Variants in COL5A2 observed in about 807,000 individuals in gnomAD.
COL5A2 encodes the protein collagen type V alpha 2 chain, also known as collagen alpha-2(V) chain.
In COL5A2, 23 loss-of-function variants were observed where a neutral mutation model predicts 208.2. The ratio of observed to expected loss-of-function variants is 0.11; its 90% CI spans 0.08 to 0.16. COL5A2 has a LOEUF of 0.16. Among genes scored for constraint, COL5A2 ranks in the 10% least tolerant of loss-of-function variants. The pLI, the probability that COL5A2 is intolerant of heterozygous loss-of-function variation, is 1.00. For missense variants in COL5A2, 1,590 were observed against 1,956.4 expected, an observed-to-expected ratio of 0.81 and a Z score of 3.53; for synonymous variants, 625 against 628.5, an observed-to-expected ratio of 0.99 and a Z score of 0.08.
At chr2:189,347,592 T>C in the COL5A2 span, among the ~76,000 whole-genome samples, 1 of 152,160 alleles carries the variant, frequency 6.6e-6, no homozygotes, top group African/African-American at 2.4e-5. Flanking sequence ...GCATTTGCTT[T>C]GTCAACAAGT....
chr2:189,182,786 G>A (rs12693529), upstream of COL5A2, among the ~76,000 whole-genome samples: 150,878 of 152,268 alleles, frequency 0.99, 74,766 homozygotes, highest in Middle Eastern at 1. Context: ...TGCTGAGCTT[G>A]ATGCATGACA....
chr2:189,433,699 C>T, the COL5A2 span, among the ~76,000 whole-genome samples: 1 of 152,158 alleles, frequency 6.6e-6, no homozygotes, highest in South Asian at 2.1e-4. Context: ...AATAGCTTAC[C>T]AATCAAAAAA....
intron 1 of COL5A2, among the ~76,000 whole-genome samples, chr2:189,207,000 A>C (rs1689151178): frequency 6.6e-6 from 1 of 152,242 alleles, no homozygotes; most frequent in Admixed American, 6.5e-5. Flanking sequence ...TACACTTTTA[A>C]GAATAACAAA....
the COL5A2 span, among the ~76,000 whole-genome samples, chr2:189,265,007 G>A: frequency 6.6e-6 from 1 of 152,114 alleles, no homozygotes; most frequent in Non-Finnish European, 1.5e-5. Context: ...GCATGGTGAG[G>A]GAGCAGGCAG....
Position 189,037,019 on chromosome 2 carries a change from A to C in COL5A2, c.3926-216T>G, listed in dbSNP as rs13421883. ...AGGCACTTTGCCAAACCATGTACTT[A>C]AGGCTCAAAACATCCATATGAAGGA... On this transcript the variant is annotated intron_variant, in intron 51 of 53. Coordinates refer to ENST00000374866, the MANE Select transcript of COL5A2 (RefSeq NM_000393.5). 0.095 allele frequency among the ~76,000 whole-genome samples: 14,532 copies of C among 152,206 alleles called. 722 individuals are homozygous for C. Among genetic ancestry groups the C allele is most frequent in the South Asian group, 0.15 (728 of 4,828 alleles).
chr2:189,034,494 T>C (rs760795347), intron 53 of COL5A2, among the ~76,000 whole-genome samples: 4 of 152,228 alleles, frequency 2.6e-5, no homozygotes, highest in Admixed American at 1.3e-4. Context: ...AATGAAACTA[T>C]AATTCACCAT....
chr2:189,229,734 A>G (rs1689458322), upstream of COL5A2, among the ~76,000 whole-genome samples: 1 of 151,856 alleles, frequency 6.6e-6, no homozygotes, highest in Admixed American at 6.6e-5. Context: ...AAGAGTTAAG[A>G]TTATTAAAAT....
chr2:189,328,830 C>T, the COL5A2 span, among the ~76,000 whole-genome samples: 1 of 152,166 alleles, frequency 6.6e-6, no homozygotes, highest in Admixed American at 6.5e-5. Context: ...GTGACTGTCA[C>T]ATAGTATGTG....
chr2:189,337,227 G>A, the COL5A2 span, among the ~76,000 whole-genome samples: 1 of 146,888 alleles, frequency 6.8e-6, no homozygotes, highest in South Asian at 2.2e-4. Flanking sequence ...CTGTCGCCCA[G>A]GCTGGAGTGC....
chr2:189,048,339 C>T (rs1000742249), intron 44 of COL5A2, 77 bp from the exon 45 acceptor site: 8 of 1,361,842 alleles, frequency 5.9e-6, no homozygotes, highest in East Asian at 2.3e-5. Context: ...CAAAAAATGA[C>T]AGCATGTTTT....
the COL5A2 span, among the ~76,000 whole-genome samples, chr2:189,379,124 C>T: frequency 6.6e-6 from 1 of 151,928 alleles, no homozygotes; most frequent in Non-Finnish European, 1.5e-5. Context: ...AAAAATGCAC[C>T]GGCATACTAG....
chr2:189,053,456 G>A lies in COL5A2; in HGVS notation c.2521C>T (p.Pro841Ser), dbSNP rs1251112610. The change falls in exon 38 of 54, where the codon CCA (proline) becomes TCA (serine). Residue 841 changes from proline (P) to serine (S), a missense_variant. Pro to Ser is a moderately conservative substitution (Grantham distance 74). Transcript: ENST00000374866. ...GNPGSRGENG[P>S]TGAVGFAGPQ... ...CCGGCAAAACCAACAGCTCCAGTTG[G>A]CCCATTTTCACCTCGAGAACCCTAG... 4 of 1,613,596 alleles carry A rather than the reference G, an allele frequency of 2.5e-6. No individual in the cohort carries two copies. Among genetic ancestry groups the A allele is most frequent in the South Asian group, 1.1e-5 (1 of 91,066 alleles).
chr2:189,300,265 A>G, the COL5A2 span, among the ~76,000 whole-genome samples: 1 of 152,116 alleles, frequency 6.6e-6, no homozygotes, highest in Non-Finnish European at 1.5e-5. Flanking sequence ...GGATGTTTCT[A>G]TCTTTCTCTC....
At chr2:189,189,637 A>G (rs1688898917) in intron 1 of COL5A2, among the ~76,000 whole-genome samples, 1 of 152,088 alleles carries the variant, frequency 6.6e-6, no homozygotes, top group South Asian at 2.1e-4. Flanking sequence ...GGGTAACAGT[A>G]CAAGACTCTG....
At chr2:189,354,358 C>T in the COL5A2 span, among the ~76,000 whole-genome samples, 1 of 152,152 alleles carries the variant, frequency 6.6e-6, no homozygotes, top group East Asian at 1.9e-4. Flanking sequence ...ATGAGTGGTA[C>T]CAGCTCCTCT....
chr2:189,137,447 G>C (rs1276826199), intron 1 of COL5A2, among the ~76,000 whole-genome samples: 1 of 152,222 alleles, frequency 6.6e-6, no homozygotes, highest in East Asian at 1.9e-4. Context: ...CAGGATTAGA[G>C]AAATCCAAAT....
At chr2:189,094,533 G>C (rs745776107) in intron 6 of COL5A2, among the ~76,000 whole-genome samples, 27 of 133,102 alleles carry the variant, frequency 2.0e-4, no homozygotes, top group Non-Finnish European at 3.6e-4. Context: ...ACGAATGACC[G>C]GGAACTGTTA....
intron 2 of COL5A2, among the ~76,000 whole-genome samples, chr2:189,109,750 C>T (rs546556858): frequency 2.1e-4 from 32 of 152,228 alleles, no homozygotes; most frequent in African/African-American, 7.5e-4. Context: ...ACATGAAAAG[C>T]ATTCTGCATT....
intron 1 of COL5A2, among the ~76,000 whole-genome samples, chr2:189,129,397 G>C (rs1315307204): frequency 1.3e-5 from 2 of 151,980 alleles, no homozygotes; most frequent in Admixed American, 6.6e-5. Flanking sequence ...TAAAATGTTT[G>C]AAAACTGATT....
Sources: allele counts gnomAD v4.1 joint callset (sites outside exome capture counted in the v4.1 genomes callset), GRCh38; gene constraint gnomAD v4.1.1; transcripts MANE v1.5; gene names NCBI Gene and HGNC (gene_info 2026-07-23, HGNC 2026-07-21).